Variants in TCF4 observed in about 807,000 individuals in gnomAD.
The protein encoded by TCF4 is SL3-3 enhancer factor 2.
In TCF4, 3 loss-of-function variants were observed where a neutral mutation model predicts 82.1. That is an observed-to-expected ratio of 0.04 (90% CI 0.02 to 0.09). The LOEUF is 0.09. Among genes scored for constraint, TCF4 ranks in the 10% least tolerant of loss-of-function variants. The pLI is 1.00. For missense variants in TCF4, 518 were observed against 852.7 expected (o/e 0.61, Z 4.89); for synonymous variants, 276 against 309.6 (o/e 0.89, Z 1.14).
chr18:55,509,705 CAAA>C (rs1285098091), intron 3 of TCF4, among the ~76,000 whole-genome samples: 1 of 152,064 alleles, frequency 6.6e-6, no homozygotes, highest in Admixed American at 6.6e-5. Context: ...TATCATTCCT[CAAA>C]ATCTTTATTG....
chr18:55,254,842 TACAAA>T, intron 14 of TCF4, 142 bp from the exon 15 acceptor site: 1 of 809,382 alleles, frequency 1.2e-6, no homozygotes, highest in Non-Finnish European at 2.1e-6. Context: ...AAAACAATAA[TACAAA>T]TAGTGTTGTT....
At chr18:55,471,704 T>A (rs1437565561) in intron 3 of TCF4, among the ~76,000 whole-genome samples, 1 of 151,080 alleles carries the variant, frequency 6.6e-6, no homozygotes, top group Non-Finnish European at 1.5e-5. Context: ...AGATGGAGGC[T>A]GCAGTGATCC....
rs78276480 is a variant in TCF4 at position 55,487,547 on chromosome 18, T to C, written c.146-23410A>G. On this transcript the variant is annotated intron_variant, in intron 3 of 19. Coordinates refer to ENST00000354452, the MANE Select transcript of TCF4 (RefSeq NM_001083962.2). Reference sequence around the variant, plus strand: ...AAAACAGAACCAAATTCATATAATTTGACAAAATAATCATCAATAACTAAA... The same window carrying C: ...AAAACAGAACCAAATTCATATAATTCGACAAAATAATCATCAATAACTAAA... 0.011 allele frequency among the ~76,000 whole-genome samples: 1,698 copies of C among 152,318 alleles called. 171 individuals carry two copies. The East Asian group carries it at 0.24, about 21-fold the overall frequency.
intron 3 of TCF4, among the ~76,000 whole-genome samples, chr18:55,471,721 G>C (rs1272225629): frequency 1.3e-5 from 2 of 150,616 alleles, no homozygotes; most frequent in South Asian, 2.1e-4. Flanking sequence ...ATCCAAGATT[G>C]TGCCACTGCA....
chr18:55,424,613 A>G (rs1215081564), intron 5 of TCF4, among the ~76,000 whole-genome samples: 1 of 152,192 alleles, frequency 6.6e-6, no homozygotes, highest in African/African-American at 2.4e-5. Flanking sequence ...CAATAGAATC[A>G]AAAGGATAAT....
intron 5 of TCF4, among the ~76,000 whole-genome samples, chr18:55,426,838 A>G (rs2147076759): frequency 6.6e-6 from 1 of 152,118 alleles, no homozygotes; most frequent in Non-Finnish European, 1.5e-5. Flanking sequence ...AGACACACAA[A>G]GACACAAACA....
At chr18:55,312,665 G>A (rs2072908242) in intron 8 of TCF4, among the ~76,000 whole-genome samples, 1 of 152,122 alleles carries the variant, frequency 6.6e-6, no homozygotes, top group Non-Finnish European at 1.5e-5. Context: ...GTTGGGCCAA[G>A]AGGATCTGCT....
At chr18:55,291,896 G>A (rs183145735) in intron 8 of TCF4, among the ~76,000 whole-genome samples, 69 of 152,302 alleles carry the variant, frequency 4.5e-4, no homozygotes, top group Admixed American at 4.1e-3. Context: ...TAAGCAACTA[G>A]AAAATGTGAT....
At chr18:55,453,897 A>G (rs963141956) in intron 5 of TCF4, among the ~76,000 whole-genome samples, 8 of 152,002 alleles carry the variant, frequency 5.3e-5, no homozygotes, top group Admixed American at 3.9e-4. Flanking sequence ...TCTGTCACCC[A>G]GGCTGGAGTG....
chr18:55,303,336 C>G (rs1164398617), intron 8 of TCF4, among the ~76,000 whole-genome samples: 1 of 151,890 alleles, frequency 6.6e-6, no homozygotes, highest in Non-Finnish European at 1.5e-5. Flanking sequence ...AATGCAGGAT[C>G]GCTTTCCCTC....
chr18:55,296,018 G>A (rs2066409458), intron 8 of TCF4, among the ~76,000 whole-genome samples: 3 of 152,000 alleles, frequency 2.0e-5, no homozygotes, highest in Admixed American at 2.0e-4. Context: ...CTCATAGTAG[G>A]CATTTGATAA....
intron 15 of TCF4, among the ~76,000 whole-genome samples, chr18:55,240,919 T>C (rs1256072883): frequency 2.0e-5 from 3 of 152,218 alleles, no homozygotes; most frequent in Admixed American, 1.3e-4. Flanking sequence ...AACACCTACA[T>C]TGTTTTCCAG....
Position 55,586,183 on chromosome 18 carries a change from CAGCAGCAGCAGCAGCAG to C in TCF4, c.72+845_73-832del, listed in dbSNP as rs2097648345. The C allele has an allele frequency of 7.2e-5, 38 of 524,452 alleles. 6 individuals are homozygous for C. The highest frequency in any genetic ancestry group is 6.0e-4 in the East Asian group (11 of 18,314). The allele number at this position is 524,452 out of a possible 1,614,324, so 32.5% of individuals were successfully genotyped here. A position where few individuals can be genotyped will look rare whatever the true frequency, so the allele number is the denominator to read the frequency against. ...GCAGCAGCAGCAGCAGCAGCAGCAGCAGCAGCAGCAGCAGCAGCAGCAGCAGCAGCAGCAGCAGCAGC... is the reference window on the plus strand; with the variant it reads ...GCAGCAGCAGCAGCAGCAGCAGCAGCCAGCAGCAGCAGCAGCAGCAGCAGC... On this transcript the variant is annotated intron_variant, in intron 2 of 19. Coordinates refer to ENST00000354452, the MANE Select transcript of TCF4 (RefSeq NM_001083962.2).
At chr18:55,420,552 A>C (rs2146931062) in intron 5 of TCF4, among the ~76,000 whole-genome samples, 1 of 151,830 alleles carries the variant, frequency 6.6e-6, no homozygotes, top group Admixed American at 6.6e-5. Flanking sequence ...AACAAAAGCA[A>C]GTCCCAGGAT....
chr18:55,507,264 G>A (rs2096772432), intron 3 of TCF4, among the ~76,000 whole-genome samples: 2 of 151,996 alleles, frequency 1.3e-5, no homozygotes, highest in Admixed American at 1.3e-4. Flanking sequence ...TTGTGCTTTG[G>A]GGCCATAGTT....
chr18:55,623,916 A>T (rs1039350333), intron 2 of TCF4, among the ~76,000 whole-genome samples: 1 of 152,220 alleles, frequency 6.6e-6, no homozygotes, highest in Admixed American at 6.5e-5. Context: ...ATCTATTCAG[A>T]GGATATTGCA....
intron 8 of TCF4, among the ~76,000 whole-genome samples, chr18:55,329,467 A>G (rs368299938): frequency 2.0e-5 from 3 of 152,216 alleles, no homozygotes; most frequent in African/African-American, 7.2e-5. Flanking sequence ...GACTTTTTTT[A>G]AAGAGATAAT....
chr18:55,360,977 G>A (rs1383905011), intron 6 of TCF4, among the ~76,000 whole-genome samples: 3 of 151,992 alleles, frequency 2.0e-5, no homozygotes, highest in Non-Finnish European at 4.4e-5. Flanking sequence ...CACCCGCGCT[G>A]GCCTCCCAAA....
intron 5 of TCF4, chr18:55,422,540 T>G (rs1020519510): frequency 1.8e-5 from 15 of 855,552 alleles, no homozygotes; most frequent in Admixed American, 6.2e-5. Flanking sequence ...TCATCACATG[T>G]TTCCTATGAT....
Sources: gnomAD v4.1 joint callset for allele counts (sites outside exome capture counted in the v4.1 genomes callset) on GRCh38, gnomAD v4.1.1 for gene constraint, MANE v1.5 for transcripts, NCBI Gene and HGNC (gene_info 2026-07-23, HGNC 2026-07-21) for gene names.